KCNK13: variants seen among roughly 807,000 people sequenced by gnomAD.
KCNK13 encodes the protein potassium two pore domain channel subfamily K member 13.
A neutral mutation model predicts 23.4 loss-of-function variants in KCNK13; 12 were observed. The ratio of observed to expected loss-of-function variants is 0.51; its 90% CI spans 0.33 to 0.83. KCNK13 has a LOEUF of 0.83. KCNK13 is among the 40% of genes least tolerant of loss of function. The pLI is 0.02. For missense variants in KCNK13, 463 were observed against 556.3 expected (o/e 0.83, Z 1.69); for synonymous variants, 231 against 229.5 (o/e 1.01, Z -0.06).
At chr14:90,077,587 T>A (rs183756859) in intron 1 of KCNK13, among the ~76,000 whole-genome samples, 2 of 152,352 alleles carry the variant, frequency 1.3e-5, no homozygotes, top group East Asian at 3.9e-4. Context: ...ATATTGTGGA[T>A]TTGATTCTCT....
chr14:90,177,501 A>T (rs1890436506), intron 1 of KCNK13, among the ~76,000 whole-genome samples: 1 of 152,174 alleles, frequency 6.6e-6, no homozygotes, highest in Non-Finnish European at 1.5e-5. Flanking sequence ...AGGGAATCTG[A>T]TGAATCCTGA....
chr14:90,063,508 A>G (rs980173572), intron 1 of KCNK13, among the ~76,000 whole-genome samples: 2 of 152,084 alleles, frequency 1.3e-5, no homozygotes, highest in Admixed American at 1.3e-4. Context: ...ATAAATTCTG[A>G]GGGGGGCAAA....
intron 1 of KCNK13, among the ~76,000 whole-genome samples, chr14:90,163,424 T>C (rs1356793196): frequency 3.3e-5 from 5 of 152,144 alleles, no homozygotes. Flanking sequence ...TGAGATATGG[T>C]TCAGGATTTA....
At chr14:90,175,058 G>T (rs537936064) in intron 1 of KCNK13, among the ~76,000 whole-genome samples, 1 of 152,166 alleles carries the variant, frequency 6.6e-6, no homozygotes, top group South Asian at 2.1e-4. Flanking sequence ...TTTGGTGGGG[G>T]ACCAGGTTTC....
At position 90,121,251 on chromosome 14, in the gene KCNK13, G is replaced by A. The variant is rs375648459; in HGVS notation, c.334+58712G>A. 9.2e-5 allele frequency among the ~76,000 whole-genome samples: 14 copies of A among 152,280 alleles called. No homozygotes were observed. In the South Asian group the frequency reaches 1.2e-3, roughly 14 times the overall value. On this transcript the variant is annotated intron_variant, in intron 1 of 1. Coordinates refer to ENST00000282146, the MANE Select transcript of KCNK13 (RefSeq NM_022054.4). ...GTTTATGTAAATATTGACTTTCATC[G>A]ACAGGTTTCTGTTAAATTAATTAAG...
intron 1 of KCNK13, among the ~76,000 whole-genome samples, chr14:90,175,325 C>T (rs1890410720): frequency 6.6e-6 from 1 of 152,108 alleles, no homozygotes; most frequent in African/African-American, 2.4e-5. Flanking sequence ...CCTACTTCAT[C>T]TCAAAAAGAC....
chr14:90,075,448 C>T lies in KCNK13; in HGVS notation c.334+12909C>T, dbSNP rs1889123169. ...TATCATCACATCTTTTAACTGAGAG[C>T]CCATGACCTCTTTAACCTCTCCAGT... On this transcript the variant is annotated intron_variant, in intron 1 of 1. Coordinates refer to ENST00000282146, the MANE Select transcript of KCNK13 (RefSeq NM_022054.4). Among the ~76,000 whole-genome samples the T allele has an allele frequency of 2.0e-5, 3 of 152,080 alleles. No individual in the cohort carries two copies. The South Asian group carries it at 6.2e-4, about 32-fold the overall frequency.
chr14:90,064,543 G>A (rs1425009523), intron 1 of KCNK13, among the ~76,000 whole-genome samples: 1 of 152,122 alleles, frequency 6.6e-6, no homozygotes, highest in Non-Finnish European at 1.5e-5. Context: ...TCTGTATCTT[G>A]GGCAAGCCTC....
intron 1 of KCNK13, among the ~76,000 whole-genome samples, chr14:90,115,922 ACTC>A (rs774715413): frequency 8.5e-5 from 13 of 152,184 alleles, no homozygotes; most frequent in Non-Finnish European, 1.9e-4. Flanking sequence ...TCATTGCACT[ACTC>A]ATTCTAAGGA....
intron 1 of KCNK13, among the ~76,000 whole-genome samples, chr14:90,153,460 G>A (rs188889070): frequency 6.6e-6 from 1 of 152,296 alleles, no homozygotes; most frequent in East Asian, 1.9e-4. Flanking sequence ...CACAGAGCCT[G>A]GAACCCGGTA....
At chr14:90,125,597 A>ACG (rs1206750977) in intron 1 of KCNK13, among the ~76,000 whole-genome samples, 1 of 59,664 alleles carries the variant, frequency 1.7e-5, no homozygotes, top group Admixed American at 2.1e-4. Flanking sequence ...AAACACACAC[A>ACG]CGCACACACA....
chr14:90,146,029 TGAGA>T (rs1036684804), intron 1 of KCNK13, among the ~76,000 whole-genome samples: 2 of 151,786 alleles, frequency 1.3e-5, no homozygotes, highest in African/African-American at 4.8e-5. Context: ...AATACGAAAG[TGAGA>T]GAGAGAGATA....
chr14:90,141,947 T>C (rs1390568352), intron 1 of KCNK13, among the ~76,000 whole-genome samples: 1 of 151,920 alleles, frequency 6.6e-6, no homozygotes, highest in Non-Finnish European at 1.5e-5. Flanking sequence ...CATGCCTGGC[T>C]AATTTTTTTT....
At chr14:90,128,789 C>A (rs1474142279) in intron 1 of KCNK13, among the ~76,000 whole-genome samples, 7 of 152,042 alleles carry the variant, frequency 4.6e-5, no homozygotes, top group African/African-American at 1.7e-4. Flanking sequence ...AGAATTCATC[C>A]CCATTCCCCT....
chr14:90,155,118 G>A (rs1206369724), intron 1 of KCNK13, among the ~76,000 whole-genome samples: 5 of 152,210 alleles, frequency 3.3e-5, no homozygotes, highest in Non-Finnish European at 7.3e-5. Flanking sequence ...AAGCAGGAAA[G>A]AGGGATGGGA....
At chr14:90,177,346 A>T (rs929580145) in intron 1 of KCNK13, 1 of 152,214 alleles carries the variant, frequency 6.6e-6, no homozygotes, top group African/African-American at 2.4e-5. Flanking sequence ...AAAGTAATGA[A>T]AGATAAAACA....
intron 1 of KCNK13, among the ~76,000 whole-genome samples, chr14:90,127,028 G>C (rs1200435353): frequency 6.6e-6 from 1 of 152,092 alleles, no homozygotes; most frequent in East Asian, 1.9e-4. Context: ...TCCTAGAAGA[G>C]AGAAAAGACA....
chr14:90,098,842 G>T (rs113655625), intron 1 of KCNK13, among the ~76,000 whole-genome samples: 3 of 152,222 alleles, frequency 2.0e-5, no homozygotes, highest in South Asian at 2.1e-4. Context: ...ACTTTGGGGG[G>T]GCCGAGGCAG....
intron 1 of KCNK13, among the ~76,000 whole-genome samples, chr14:90,154,354 C>G (rs1375298928): frequency 6.6e-6 from 1 of 151,600 alleles, no homozygotes; most frequent in East Asian, 1.9e-4. Flanking sequence ...ACCCATAATG[C>G]CTGCTCTCTT....
Sources: allele counts gnomAD v4.1 joint callset (sites outside exome capture counted in the v4.1 genomes callset), GRCh38; gene constraint gnomAD v4.1.1; transcripts MANE v1.5; gene names NCBI Gene and HGNC (gene_info 2026-07-23, HGNC 2026-07-21).